Variants in SCN9A observed in about 807,000 individuals in gnomAD.
SCN9A encodes the protein sodium channel protein type 9 subunit alpha.
SCN9A carries 131 observed loss-of-function variants against 187.0 expected under a neutral mutation model. That is an observed-to-expected ratio of 0.70 (90% CI 0.61 to 0.81). SCN9A has a LOEUF of 0.81. SCN9A is among the 30% of genes least tolerant of loss of function. The pLI, the probability that SCN9A is intolerant of heterozygous loss-of-function variation, is 0.00. For synonymous variants in SCN9A, 809 were observed against 808.6 expected (o/e 1.00, Z -0.01); for missense variants, 2,252 against 2,396.6 (o/e 0.94, Z 1.26).
chr2:166,277,911 T>G (rs924591682), intron 15 of SCN9A: 1 of 425,574 alleles, frequency 2.3e-6, no homozygotes, highest in Non-Finnish European at 4.1e-6. Context: ...TTATATTATA[T>G]TAGCGTGTAC....
chr2:166,211,226 T>C (rs1694077378), intron 24 of SCN9A, among the ~76,000 whole-genome samples: 1 of 151,682 alleles, frequency 6.6e-6, no homozygotes, highest in Admixed American at 6.6e-5. Context: ...AAAGAGCAAA[T>C]AAAGTGAAAG....
At position 166,197,131 on chromosome 2, in the gene SCN9A, C is replaced by A. The variant is rs1693268996; in HGVS notation, c.*1541G>T. 1 of 152,002 alleles carries A rather than the reference C, an allele frequency of 6.6e-6. No homozygotes were observed. Among genetic ancestry groups the A allele is most frequent in the Non-Finnish European group, 1.5e-5 (1 of 67,954 alleles). 9.4% of individuals were successfully genotyped at this position (152,002 alleles called of 1,614,324 possible). A position where few individuals can be genotyped will look rare whatever the true frequency, so the allele number is the denominator to read the frequency against. ...TATATATTTGCTTCAAAACCTCCCACAAAAATCTTCTAAGTAAAACTACAT... is the reference window on the plus strand; with the variant it reads ...TATATATTTGCTTCAAAACCTCCCAAAAAAATCTTCTAAGTAAAACTACAT... On this transcript the variant is annotated 3_prime_UTR_variant, in exon 27 of 27. Transcript: ENST00000642356.
chr2:166,251,822 C>T lies in SCN9A; in HGVS notation c.3415G>A (p.Glu1139Lys), dbSNP rs201175615. 6.2e-7 allele frequency: 1 copy of T among 1,612,666 alleles called. No individual in the cohort carries two copies. The highest frequency in any genetic ancestry group is 1.1e-5 in the South Asian group (1 of 91,042). Residue 1139 changes from glutamate to lysine, a missense_variant, in exon 18 of 27, where the codon GAA (glutamate) becomes AAA (lysine). Physicochemically the swap from Glu to Lys is moderately conservative, Grantham distance 56 (BLOSUM62 1). Around this residue, in one of 7 missense-constraint regions of SCN9A, gnomAD observed 313 missense variants for 295.3 expected, o/e 1.06. Transcript: ENST00000642356. ...TTCATAGGTTCAGCCTCTGCTTCTTCTCCTTCTCCAGGCAAAGGGTTATCA... is the reference window on the plus strand; with the variant it reads ...TTCATAGGTTCAGCCTCTGCTTCTTTTCCTTCTCCAGGCAAAGGGTTATCA... ...TVDNPLPGEG[E>K]EAEAEPMNSD...
chr2:166,272,855 G>T lies in SCN9A; in HGVS notation c.2895C>A (p.Ala965=). ...GNLVVLNLFL[A]LLLSSFSSDN... ...CTGAACTAAATGAGCTCAATAATAA[G>T]GCCAGAAATAGGTTTAGGACCTATA... The change falls in exon 17 of 27, where the codon GCC becomes GCA. Residue 965 remains alanine, a synonymous_variant. Coordinates refer to ENST00000642356, the MANE Select transcript of SCN9A (RefSeq NM_001365536.1). 6.7e-7 allele frequency: 1 copy of T among 1,496,732 alleles called. No individual in the cohort carries two copies. Among genetic ancestry groups the T allele is most frequent in the South Asian group, 1.5e-5 (1 of 67,752 alleles). The allele number at this position is 1,496,732 out of a possible 1,614,324, so 92.7% of individuals were successfully genotyped here.
chr2:166,196,553 A>G lies in SCN9A; in HGVS notation c.*2119T>C, dbSNP rs1469792805. On this transcript the variant is annotated 3_prime_UTR_variant, in exon 27 of 27. Coordinates refer to ENST00000642356, the MANE Select transcript of SCN9A (RefSeq NM_001365536.1). ...AACATCTTGTCTTACTACATTATGT[A>G]AGTATTCATAATGCAGTTATATTTG... is the stretch of plus-strand genomic sequence containing the variant. 2.0e-5 allele frequency: 3 copies of G among 152,180 alleles called. No homozygotes were observed. The highest frequency in any genetic ancestry group is 6.5e-5 in the Admixed American group (1 of 15,282). The allele number at this position is 152,180 out of a possible 1,614,324, so 9.4% of individuals were successfully genotyped here. A position where few individuals can be genotyped will look rare whatever the true frequency, so the allele number is the denominator to read the frequency against.
chr2:166,349,126 AAAACAAAC>A (rs150473901), intron 1 of SCN9A, among the ~76,000 whole-genome samples: 24,717 of 150,276 alleles, frequency 0.16, 2,193 homozygotes, highest in African/African-American at 0.22. Context: ...AAACTCCGTC[AAAACAAAC>A]AAACAAACAA....
At chr2:166,241,891 C>T (rs1695581029) in intron 19 of SCN9A, among the ~76,000 whole-genome samples, 1 of 152,122 alleles carries the variant, frequency 6.6e-6, no homozygotes, top group Admixed American at 6.6e-5. Context: ...TAACAGTCAA[C>T]TAAGAGTCAA....
intron 26 of SCN9A, 48 bp from the exon 27 acceptor site, chr2:166,199,912 C>T (rs778677784): frequency 2.1e-6 from 3 of 1,420,490 alleles, no homozygotes; most frequent in Admixed American, 3.5e-5. Context: ...AAGATGTATG[C>T]TACCTGAAAT....
In SCN9A at chr2:166,365,859, C is replaced by T. The variant is rs1340163152; in HGVS notation, c.-51+9838G>A. Among the ~76,000 whole-genome samples the T allele has an allele frequency of 6.6e-5, 10 of 152,136 alleles. No homozygotes were observed. The South Asian group carries it at 8.3e-4, about 13-fold the overall frequency. ...TCTCTTCATTATCTCTTAAAATCGG[C>T]GTCACATCTCCATGTGTTGTTCATT... On this transcript the variant is annotated intron_variant, in intron 1 of 26. Coordinates refer to ENST00000642356, the MANE Select transcript of SCN9A (RefSeq NM_001365536.1).
chr2:166,295,415 C>T (rs1698255126), intron 7 of SCN9A, among the ~76,000 whole-genome samples: 1 of 152,160 alleles, frequency 6.6e-6, no homozygotes. Context: ...CTAGGGTGCA[C>T]TTATACAAAC....
intron 1 of SCN9A, among the ~76,000 whole-genome samples, chr2:166,371,213 T>A (rs904941621): frequency 6.6e-6 from 1 of 152,226 alleles, no homozygotes; most frequent in African/African-American, 2.4e-5. Context: ...AGTAAGTTGT[T>A]ATTTTAAAAA....
Position 166,276,668 on chromosome 2 carries a change from T to C in SCN9A, c.2874+315A>G, listed in dbSNP as rs185794458. On this transcript the variant is annotated intron_variant, in intron 16 of 26. Transcript: ENST00000642356. ...TCATTTTTGTTATTATTAACTTAATTATATTTTATTTACTAGTATAGCTTC... is the reference window on the plus strand; with the variant it reads ...TCATTTTTGTTATTATTAACTTAATCATATTTTATTTACTAGTATAGCTTC... 139 of 166,056 alleles carry C rather than the reference T, an allele frequency of 8.4e-4. 1 individual carries two copies. In the South Asian group the frequency reaches 0.022, roughly 27 times the overall value. The allele number at this position is 166,056 out of a possible 1,614,324, so 10.3% of individuals were successfully genotyped here.
rs779327684 is a variant in SCN9A at position 166,280,590 on chromosome 2, C to CA, written c.2109dup (p.Glu704Ter). On this transcript the variant is annotated frameshift_variant, in exon 14 of 27. Transcript: ENST00000642356. LOFTEE classifies it high-confidence loss of function. Reference sequence around the variant, plus strand: ...GGTGGACATTTTTGTCTGGACTCTTCAAGTTCTGGGAGAAAAAAGCAGAGA... The same window carrying CA: ...GGTGGACATTTTTGTCTGGACTCTTCAAAGTTCTGGGAGAAAAAAGCAGAGA... The CA allele has an allele frequency of 3.8e-6, 6 of 1,562,810 alleles. No individual in the cohort carries two copies. The highest frequency in any genetic ancestry group is 5.2e-6 in the Non-Finnish European group (6 of 1,149,896).
intron 24 of SCN9A, among the ~76,000 whole-genome samples, chr2:166,208,152 G>A (rs1474247037): frequency 1.3e-5 from 2 of 152,176 alleles, no homozygotes; most frequent in Admixed American, 1.3e-4. Context: ...AACCTAGGTG[G>A]AAGGAATTCT....
Position 166,335,488 on chromosome 2 carries a change from T to C in SCN9A, c.-50-23682A>G, listed in dbSNP as rs570456628. Among the ~76,000 whole-genome samples, 3 of 152,254 alleles carry C rather than the reference T, an allele frequency of 2.0e-5. No homozygotes were observed. In the East Asian group the frequency reaches 5.8e-4, roughly 29 times the overall value. On this transcript the variant is annotated intron_variant, in intron 1 of 26. Transcript: ENST00000642356. ...TCAAGGACTTCCAGCTGTGTTAGTGTGGACACTGGAGTAAGACTGCCGTTG... is the reference window on the plus strand; with the variant it reads ...TCAAGGACTTCCAGCTGTGTTAGTGCGGACACTGGAGTAAGACTGCCGTTG...
At chr2:166,366,103 G>A (rs1351788435) in intron 1 of SCN9A, among the ~76,000 whole-genome samples, 1 of 152,014 alleles carries the variant, frequency 6.6e-6, no homozygotes, top group Admixed American at 6.6e-5. Flanking sequence ...AAACCTCAAT[G>A]GCACCAATAC....
intron 1 of SCN9A, among the ~76,000 whole-genome samples, chr2:166,338,799 C>T (rs1258729376): frequency 6.6e-6 from 1 of 152,048 alleles, no homozygotes; most frequent in African/African-American, 2.4e-5. Context: ...TGCGTCTCAA[C>T]TTGGGTTCAC....
intron 1 of SCN9A, among the ~76,000 whole-genome samples, chr2:166,370,207 T>TC (rs1300164336): frequency 1.7e-5 from 2 of 118,672 alleles, no homozygotes; most frequent in Non-Finnish European, 3.5e-5. Context: ...ATAATAATAA[T>TC]AATAATAATA....
intron 1 of SCN9A, among the ~76,000 whole-genome samples, chr2:166,370,739 T>C (rs960219524): frequency 1.3e-5 from 2 of 151,962 alleles, no homozygotes; most frequent in African/African-American, 4.8e-5. Flanking sequence ...TACTAATAGT[T>C]TGACCTAAAA....
Sources: gnomAD v4.1 joint callset for allele counts (sites outside exome capture counted in the v4.1 genomes callset) on GRCh38, gnomAD v4.1.1 for gene constraint, gnomAD v4.1.1 regional missense constraint, MANE v1.5 for transcripts, NCBI Gene and HGNC (gene_info 2026-07-23, HGNC 2026-07-21) for gene names.